TMEM169: variants seen among roughly 807,000 people sequenced by gnomAD.
The protein encoded by TMEM169 is transmembrane protein 169.
In TMEM169, 18 loss-of-function variants were observed where a neutral mutation model predicts 27.3. That is an observed-to-expected ratio of 0.66 (90% confidence interval 0.46 to 0.98). The LOEUF (loss-of-function observed/expected upper bound fraction) is 0.98, where lower values mean the gene tolerates loss of function less well. TMEM169 is among the 50% of genes least tolerant of loss of function. The pLI is 0.00. For missense variants in TMEM169, 320 were observed against 368.6 expected, an observed-to-expected ratio of 0.87 and a Z score of 1.08; for synonymous variants, 136 against 142.1, an observed-to-expected ratio of 0.96 and a Z score of 0.30.
chr2:216,095,975 A>C lies in TMEM169; in HGVS notation c.12A>C (p.Pro4=), dbSNP rs1457850707. The C allele has an allele frequency of 6.2e-7, 1 of 1,613,358 alleles. No homozygotes were observed. Among genetic ancestry groups the C allele is most frequent in the Non-Finnish European group, 8.5e-7 (1 of 1,179,784 alleles). The change falls in exon 2 of 3, where the codon CCA becomes CCC. Residue 4 remains proline, a synonymous_variant. Coordinates refer to ENST00000437356, the MANE Select transcript of TMEM169 (RefSeq NM_001142311.2). ...ACGTCAGGTCTGGAATGGAAGAGCC[A>C]ACAGCAGTAGAAGGCCAGGTCCAGC... is the stretch of plus-strand genomic sequence containing the variant. The part of the protein sequence containing the change: MEE[P]TAVEGQVQLP...
At chr2:216,088,845 G>A (rs373162805) in intron 1 of TMEM169, among the ~76,000 whole-genome samples, 6 of 151,526 alleles carry the variant, frequency 4.0e-5, no homozygotes, top group Non-Finnish European at 7.4e-5. Flanking sequence ...CTTTTTTCTC[G>A]GTAACACTGA....
chr2:216,096,020 C>T lies in TMEM169; in HGVS notation c.57C>T (p.Gly19=). 1 of 1,614,182 alleles carries T rather than the reference C, an allele frequency of 6.2e-7. No individual in the cohort carries two copies. The highest frequency in any genetic ancestry group is 8.5e-7 in the Non-Finnish European group (1 of 1,180,034). Reference sequence around the variant, plus strand: ...TCCAGCTTCCAAGCCCCCACCAGGGCTCTCTCAGGAAGGCTGTGGCTGCTG... The same window carrying T: ...TCCAGCTTCCAAGCCCCCACCAGGGTTCTCTCAGGAAGGCTGTGGCTGCTG... ...GQVQLPSPHQ[G]SLRKAVAAAL... The change falls in exon 2 of 3, where the codon GGC becomes GGT. Residue 19 remains glycine, a synonymous_variant. Coordinates refer to ENST00000437356, the MANE Select transcript of TMEM169 (RefSeq NM_001142311.2).
At chr2:216,083,584 G>A (rs982841824) in intron 1 of TMEM169, among the ~76,000 whole-genome samples, 3 of 152,282 alleles carry the variant, frequency 2.0e-5, no homozygotes, top group South Asian at 2.1e-4. Context: ...TGCAGCTTCC[G>A]TGTGGCTGCT....
At chr2:216,093,649 G>T (rs2105984402) in intron 1 of TMEM169, among the ~76,000 whole-genome samples, 1 of 152,152 alleles carries the variant, frequency 6.6e-6, no homozygotes, top group South Asian at 2.1e-4. Flanking sequence ...TCCAACATCT[G>T]CCAATCCAAT....
In TMEM169 at chr2:216,100,624, A is replaced by T; in HGVS notation, c.*82A>T. 6.4e-7 allele frequency: 1 copy of T among 1,567,120 alleles called. No individual in the cohort carries two copies. The highest frequency in any genetic ancestry group is 8.7e-7 in the Non-Finnish European group (1 of 1,149,676). ...TTCCAGCAGATTATTTCTTTAAATT[A>T]CCCCCTACTCTCCGCAGTTCTTCTG... is the stretch of plus-strand genomic sequence containing the variant. On this transcript the variant is annotated 3_prime_UTR_variant, in exon 3 of 3. Coordinates refer to ENST00000437356, the MANE Select transcript of TMEM169 (RefSeq NM_001142311.2).
chr2:216,091,664 C>T (rs1455140757), intron 1 of TMEM169, among the ~76,000 whole-genome samples: 1 of 151,792 alleles, frequency 6.6e-6, no homozygotes, highest in Admixed American at 6.6e-5. Flanking sequence ...GAAAGTGAGT[C>T]CTACCAAACC....
intron 1 of TMEM169, among the ~76,000 whole-genome samples, chr2:216,093,834 A>G (rs1696196893): frequency 6.6e-6 from 1 of 152,132 alleles, no homozygotes; most frequent in Non-Finnish European, 1.5e-5. Flanking sequence ...ATTTTAAGAG[A>G]TATGCTATAC....
intron 1 of TMEM169, among the ~76,000 whole-genome samples, chr2:216,090,827 T>G (rs977313275): frequency 6.6e-6 from 1 of 152,242 alleles, no homozygotes; most frequent in African/African-American, 2.4e-5. Flanking sequence ...CATATTCTTG[T>G]ACTGTGACAT....
chr2:216,086,901 A>G (rs1696011817), intron 1 of TMEM169, among the ~76,000 whole-genome samples: 1 of 152,254 alleles, frequency 6.6e-6, no homozygotes, highest in Admixed American at 6.5e-5. Context: ...AATTACAAAT[A>G]GAAGGAGGCA....
rs1696376315 is a variant in TMEM169, at chr2:216,100,632, C to T, written c.*90C>T. On this transcript the variant is annotated 3_prime_UTR_variant, in exon 3 of 3. Transcript: ENST00000437356. The stretch of plus-strand genomic sequence containing the variant: ...GATTATTTCTTTAAATTACCCCCTA[C>T]TCTCCGCAGTTCTTCTGGGAAATCA... 3 of 1,541,278 alleles carry T rather than the reference C, an allele frequency of 1.9e-6. No individual in the cohort carries two copies. Among genetic ancestry groups the T allele is most frequent in the African/African-American group, 2.7e-5 (2 of 73,238 alleles).
At chr2:216,087,688 C>CT (rs1321392720) in intron 1 of TMEM169, among the ~76,000 whole-genome samples, 1 of 152,202 alleles carries the variant, frequency 6.6e-6, no homozygotes, top group African/African-American at 2.4e-5. Context: ...AATTTCTCCT[C>CT]TAAATGGGAA....
rs753181988 is a variant in TMEM169, at chr2:216,096,099, G to T, written c.136G>T (p.Glu46Ter). 6.2e-7 allele frequency: 1 copy of T among 1,614,226 alleles called. No individual in the cohort carries two copies. Among genetic ancestry groups the T allele is most frequent in the Non-Finnish European group, 8.5e-7 (1 of 1,180,044 alleles). Residue 46 changes from glutamate to a stop codon, truncating the protein, a stop_gained, in exon 2 of 3, where the codon GAG (glutamate) becomes TAG (stop). Coordinates refer to ENST00000437356, the MANE Select transcript of TMEM169 (RefSeq NM_001142311.2). LOFTEE classifies it high-confidence loss of function. ...TMGHRKKKRKESRPESIIIYR... is the reference protein window; with the variant it reads ...TMGHRKKKRK ...GGGGCACAGGAAAAAGAAGAGGAAA[G>T]AGTCACGCCCAGAATCCATCATCAT...
At chr2:216,096,614 C>T (rs1696270767) in intron 2 of TMEM169, among the ~76,000 whole-genome samples, 2 of 152,204 alleles carry the variant, frequency 1.3e-5, no homozygotes, top group African/African-American at 4.8e-5. Context: ...ATCCACCTGC[C>T]TCAGCCTCCC....
chr2:216,096,428 G>A (rs1293578181), intron 2 of TMEM169, among the ~76,000 whole-genome samples, 194 bp downstream of exon 2: 2 of 152,194 alleles, frequency 1.3e-5, no homozygotes, highest in Admixed American at 1.3e-4. Context: ...GCAGTGGCAT[G>A]ATGTCGCCTC....
At chr2:216,090,609 G>A (rs537440859) in intron 1 of TMEM169, among the ~76,000 whole-genome samples, 1 of 152,248 alleles carries the variant, frequency 6.6e-6, no homozygotes, top group South Asian at 2.1e-4. Flanking sequence ...TCTATTCACA[G>A]AATACTAAAA....
chr2:216,087,913 C>T (rs1030253422), intron 1 of TMEM169, among the ~76,000 whole-genome samples: 1 of 152,144 alleles, frequency 6.6e-6, no homozygotes, highest in African/African-American at 2.4e-5. Flanking sequence ...AATCCCAGCA[C>T]TTTGGGAGGC....
intron 1 of TMEM169, among the ~76,000 whole-genome samples, chr2:216,095,109 C>CTTTCTTTTTTTTTT (rs751748269): frequency 9.1e-6 from 1 of 110,484 alleles, no homozygotes; most frequent in Non-Finnish European, 1.7e-5. Flanking sequence ...TTTTTTCTTT[C>CTTTCTTTTTTTTTT]TTTTTTTTTT....
At chr2:216,093,080 A>G (rs898805943) in intron 1 of TMEM169, among the ~76,000 whole-genome samples, 1 of 152,054 alleles carries the variant, frequency 6.6e-6, no homozygotes, top group Non-Finnish European at 1.5e-5. Flanking sequence ...GTACATATAT[A>G]GATATACATA....
In TMEM169 at chr2:216,099,244, T is replaced by G. The variant is rs1696332071; in HGVS notation, c.272-676T>G. Among the ~76,000 whole-genome samples the G allele has an allele frequency of 6.6e-6, 1 of 150,566 alleles. No individual in the cohort carries two copies. The highest frequency in any genetic ancestry group is 2.1e-4 in the South Asian group (1 of 4,748). On this transcript the variant is annotated intron_variant, in intron 2 of 2. Transcript: ENST00000437356. The surrounding 1 kb of genome is among the most constrained non-coding windows in gnomAD (Gnocchi z 5.0). ...GTGTTTGGTATATGTGGTGTGGGTATGTGGTGTGTATGTGGTATGTGTGAT... is the reference window on the plus strand; with the variant it reads ...GTGTTTGGTATATGTGGTGTGGGTAGGTGGTGTGTATGTGGTATGTGTGAT...
Sources: allele counts gnomAD v4.1 joint callset (sites outside exome capture counted in the v4.1 genomes callset), GRCh38; gene constraint gnomAD v4.1.1; non-coding constraint Gnocchi (gnomAD v3.1); transcripts MANE v1.5; gene names NCBI Gene and HGNC (gene_info 2026-07-23, HGNC 2026-07-21).